MAPRE2: variants seen among roughly 807,000 people sequenced by gnomAD.
The protein encoded by MAPRE2 is microtubule associated protein RP/EB family member 2.
Under a neutral mutation model 43.2 loss-of-function variants are expected in MAPRE2, and 13 were observed. That is an observed-to-expected ratio of 0.30 (90% CI 0.20 to 0.48). The LOEUF (loss-of-function observed/expected upper bound fraction) is 0.48, where lower values mean the gene tolerates loss of function less well. MAPRE2 is among the 20% of genes least tolerant of loss of function. MAPRE2 has a pLI of 0.99. For missense variants in MAPRE2, 161 were observed against 400.2 expected, an observed-to-expected ratio of 0.40 and a Z score of 5.10; for synonymous variants, 135 against 148.8, an observed-to-expected ratio of 0.91 and a Z score of 0.68.
intron 1 of MAPRE2, among the ~76,000 whole-genome samples, chr18:35,044,316 C>T (rs536910044): frequency 2.0e-5 from 3 of 152,354 alleles, no homozygotes; most frequent in Middle Eastern, 3.4e-3. Context: ...CTGCAACCTC[C>T]GCCTCCCGGG....
At chr18:35,128,753 A>G (rs1339841862) in intron 5 of MAPRE2, among the ~76,000 whole-genome samples, 1 of 152,082 alleles carries the variant, frequency 6.6e-6, no homozygotes, top group African/African-American at 2.4e-5. Context: ...TTCTTTTGGT[A>G]TCTTTCTTAT....
intron 4 of MAPRE2, among the ~76,000 whole-genome samples, chr18:35,105,729 A>G (rs554967026): frequency 5.6e-4 from 85 of 152,168 alleles, no homozygotes; most frequent in African/African-American, 1.9e-3. Flanking sequence ...GGCAAGGAAT[A>G]TACAGGTATC....
intron 1 of MAPRE2, among the ~76,000 whole-genome samples, chr18:35,058,917 C>G (rs1326200667): frequency 6.6e-6 from 1 of 152,170 alleles, no homozygotes; most frequent in Non-Finnish European, 1.5e-5. Context: ...TGGAATTCAT[C>G]CTAGGTCCAA....
At chr18:35,073,211 G>A (rs1241810159) in intron 2 of MAPRE2, among the ~76,000 whole-genome samples, 2 of 152,128 alleles carry the variant, frequency 1.3e-5, no homozygotes, top group South Asian at 2.1e-4. Context: ...TTATCCAAAC[G>A]TCCTTGGAAG....
intron 2 of MAPRE2, among the ~76,000 whole-genome samples, chr18:35,086,248 C>T (rs1001838334): frequency 2.6e-5 from 4 of 151,600 alleles, no homozygotes; most frequent in Non-Finnish European, 5.9e-5. Flanking sequence ...CTTTTTTTGA[C>T]ACCAATAAGA....
intron 5 of MAPRE2, among the ~76,000 whole-genome samples, chr18:35,130,633 T>G (rs1360435692): frequency 6.6e-6 from 1 of 152,166 alleles, no homozygotes; most frequent in Non-Finnish European, 1.5e-5. Context: ...GGGTGATTTT[T>G]AAGGTAATGA....
intron 1 of MAPRE2, among the ~76,000 whole-genome samples, chr18:34,985,333 T>TATATTATATATTATATTATATATATA (rs2097019507): frequency 4.8e-5 from 2 of 41,300 alleles, no homozygotes; most frequent in East Asian, 1.2e-3. Context: ...TATAATATAA[T>TATATTATATATTATATTATATATATA]ATATAATATA....
At chr18:35,024,226 C>A (rs1460478497) in intron 2 of MAPRE2, among the ~76,000 whole-genome samples, 1 of 152,120 alleles carries the variant, frequency 6.6e-6, no homozygotes, top group Admixed American at 6.5e-5. Context: ...TGTTCTGGTA[C>A]CATGAGCTGG....
At chr18:35,098,663 G>T (rs537392795) in intron 3 of MAPRE2, among the ~76,000 whole-genome samples, 2 of 152,052 alleles carry the variant, frequency 1.3e-5, no homozygotes, top group African/African-American at 4.8e-5. Context: ...TAAAACTAGG[G>T]ATATATAGGT....
intron 1 of MAPRE2, among the ~76,000 whole-genome samples, chr18:35,060,220 G>A (rs745398918): frequency 3.3e-5 from 5 of 152,132 alleles, no homozygotes; most frequent in Non-Finnish European, 4.4e-5. Context: ...AAGAGGGAAC[G>A]AGGCCAAGTA....
chr18:35,127,159 T>A, intron 5 of MAPRE2, 72 bp downstream of exon 5: 1 of 1,533,124 alleles, frequency 6.5e-7, no homozygotes, highest in Non-Finnish European at 9.0e-7. Flanking sequence ...TAGGATCCCC[T>A]AGGACTGGGG....
chr18:35,003,436 T>C (rs2097030337), intron 1 of MAPRE2, among the ~76,000 whole-genome samples: 1 of 152,260 alleles, frequency 6.6e-6, no homozygotes, highest in Admixed American at 6.5e-5. Context: ...CTCTGTTTCT[T>C]CATTTATAAT....
chr18:35,014,935 A>G (rs2097037217), intron 2 of MAPRE2, among the ~76,000 whole-genome samples: 1 of 152,102 alleles, frequency 6.6e-6, no homozygotes, highest in Non-Finnish European at 1.5e-5. Context: ...TAGTTAAGTA[A>G]CAGTCATTTT....
intron 1 of MAPRE2, among the ~76,000 whole-genome samples, chr18:35,063,573 C>T (rs1313241674): frequency 6.6e-6 from 1 of 151,970 alleles, no homozygotes; most frequent in Non-Finnish European, 1.5e-5. Context: ...TAAGTAAATC[C>T]AGGCCAAATG....
chr18:35,056,833 C>G (rs1221563147), intron 1 of MAPRE2, among the ~76,000 whole-genome samples: 5 of 152,186 alleles, frequency 3.3e-5, no homozygotes, highest in Non-Finnish European at 7.3e-5. Context: ...GACCCCTATC[C>G]CTAACATTTG....
intron 1 of MAPRE2, among the ~76,000 whole-genome samples, chr18:35,052,301 A>G (rs1905979912): frequency 6.6e-6 from 1 of 152,212 alleles, no homozygotes; most frequent in Non-Finnish European, 1.5e-5. Flanking sequence ...ATTACATTTT[A>G]TATAAATGGG....
At chr18:35,034,013 C>T (rs1238165738) in intron 2 of MAPRE2, among the ~76,000 whole-genome samples, 3 of 151,836 alleles carry the variant, frequency 2.0e-5, no homozygotes, top group African/African-American at 7.2e-5. Context: ...GAAAAAACTA[C>T]TTTAAAGTTC....
At chr18:34,981,816 A>G (rs1244655588) in intron 1 of MAPRE2, among the ~76,000 whole-genome samples, 1 of 152,058 alleles carries the variant, frequency 6.6e-6, no homozygotes, top group Non-Finnish European at 1.5e-5. Context: ...CTTTCTCCTT[A>G]AAAAGTAGAA....
intron 2 of MAPRE2, among the ~76,000 whole-genome samples, chr18:35,013,847 A>G (rs2097036390): frequency 1.3e-5 from 2 of 152,188 alleles, no homozygotes; most frequent in South Asian, 4.1e-4. Flanking sequence ...TTGCTGTGAA[A>G]GACCAGATTT....
Sources: gnomAD v4.1 joint callset for allele counts (sites outside exome capture counted in the v4.1 genomes callset) on GRCh38, gnomAD v4.1.1 for gene constraint, MANE v1.5 for transcripts, NCBI Gene and HGNC (gene_info 2026-07-23, HGNC 2026-07-21) for gene names.